Variants in DOCK5 observed in about 807,000 individuals in gnomAD.
The protein encoded by DOCK5 is dedicator of cytokinesis protein 5.
A neutral mutation model predicts 251.8 loss-of-function variants in DOCK5; 142 were observed. The ratio of observed to expected loss-of-function variants is 0.56; its 90% CI spans 0.49 to 0.65. The LOEUF (loss-of-function observed/expected upper bound fraction) is 0.65. Among genes scored for constraint, DOCK5 ranks in the 30% least tolerant of loss-of-function variants. The pLI is 0.00. For missense variants in DOCK5, 2,111 were observed against 2,312.3 expected (o/e 0.91, Z 1.79); for synonymous variants, 842 against 835.5 (o/e 1.01, Z -0.13).
intron 5 of DOCK5, among the ~76,000 whole-genome samples, chr8:25,290,250 G>A (rs1804452334): frequency 6.6e-6 from 1 of 152,026 alleles, no homozygotes; most frequent in African/African-American, 2.4e-5. Context: ...GCTTCCCTAG[G>A]CCACATTGGA....
At chr8:25,243,197 G>A (rs1803000039) in intron 1 of DOCK5, among the ~76,000 whole-genome samples, 1 of 152,184 alleles carries the variant, frequency 6.6e-6, no homozygotes, top group Non-Finnish European at 1.5e-5. Context: ...TTCGTGATGT[G>A]TAGCAGGCAA....
intron 46 of DOCK5, 110 bp from the exon 47 acceptor site, chr8:25,400,819 C>A: frequency 8.0e-7 from 1 of 1,245,622 alleles, no homozygotes; most frequent in Non-Finnish European, 1.1e-6. Flanking sequence ...CATTGGCCAG[C>A]ACTATGTCTA....
chr8:25,399,470 C>T (rs1031236626), intron 45 of DOCK5, among the ~76,000 whole-genome samples: 3 of 152,308 alleles, frequency 2.0e-5, no homozygotes, highest in African/African-American at 4.8e-5. Flanking sequence ...GCCAATGTCA[C>T]GGGACGAGCA....
intron 40 of DOCK5, 82 bp from the exon 41 acceptor site, chr8:25,389,009 G>T: frequency 7.2e-7 from 1 of 1,394,654 alleles, no homozygotes; most frequent in East Asian, 2.4e-5. Context: ...GGGGAGTGCA[G>T]TGGCTACCTC....
At chr8:25,394,653 T>C (rs553914783) in intron 44 of DOCK5, among the ~76,000 whole-genome samples, 1 of 152,300 alleles carries the variant, frequency 6.6e-6, no homozygotes, top group Admixed American at 6.5e-5. Context: ...TCGTTGATCT[T>C]CTCAAAAGTC....
At chr8:25,336,469 G>A (rs908109799) in intron 22 of DOCK5, 96 bp downstream of exon 22, 75 of 1,454,676 alleles carry the variant, frequency 5.2e-5, no homozygotes, top group South Asian at 5.0e-4. Flanking sequence ...TCTGTGAGCA[G>A]TTAGTTCTTA....
chr8:25,401,633 C>T (rs1290655258), intron 47 of DOCK5, among the ~76,000 whole-genome samples: 2 of 152,134 alleles, frequency 1.3e-5, no homozygotes, highest in African/African-American at 4.8e-5. Context: ...ATTCAGGAGG[C>T]TGTGGCAAGA....
intron 5 of DOCK5, among the ~76,000 whole-genome samples, chr8:25,290,942 A>G (rs1804470030): frequency 6.6e-6 from 1 of 152,206 alleles, no homozygotes; most frequent in Admixed American, 6.5e-5. Context: ...TGTGAGTCAG[A>G]AAAGGATAGG....
intron 17 of DOCK5, among the ~76,000 whole-genome samples, chr8:25,325,106 A>C (rs1440993175): frequency 1.3e-5 from 2 of 152,092 alleles, no homozygotes; most frequent in African/African-American, 4.8e-5. Context: ...ATTCTGAAAT[A>C]TGTGTATTTA....
intron 17 of DOCK5, 96 bp from the exon 18 acceptor site, chr8:25,325,268 C>A: frequency 7.5e-7 from 1 of 1,324,572 alleles, no homozygotes; most frequent in Non-Finnish European, 1.1e-6. Context: ...GATAAGTCCA[C>A]GCTTCTCATG....
At chr8:25,373,790 C>A in intron 36 of DOCK5, 132 bp downstream of exon 36, 1 of 807,906 alleles carries the variant, frequency 1.2e-6, no homozygotes, top group Non-Finnish European at 2.0e-6. Context: ...TGATACGCTC[C>A]ATTCACCCTG....
At chr8:25,235,356 G>C (rs939766719) in intron 1 of DOCK5, among the ~76,000 whole-genome samples, 24 of 151,958 alleles carry the variant, frequency 1.6e-4, no homozygotes, top group African/African-American at 5.8e-4. Context: ...AACCTCCTGG[G>C]CTCAAGCGAT....
chr8:25,302,262 AAG>A (rs1397743462), intron 9 of DOCK5, 61 bp from the exon 10 acceptor site: 3 of 1,515,466 alleles, frequency 2.0e-6, no homozygotes, highest in Non-Finnish European at 2.7e-6. Context: ...GTAAAGAAAA[AAG>A]AGACACAGGT....
At chr8:25,353,683 A>G (rs537261961) in intron 27 of DOCK5, among the ~76,000 whole-genome samples, 151 of 152,284 alleles carry the variant, frequency 9.9e-4, no homozygotes, top group Non-Finnish European at 1.6e-3. Context: ...TAAAATCTAT[A>G]GCTTAACTGA....
At chr8:25,324,057 T>G in intron 17 of DOCK5, 106 bp downstream of exon 17, 1 of 1,267,554 alleles carries the variant, frequency 7.9e-7, no homozygotes. Context: ...TCTAGAGCTT[T>G]CTGTACTTGC....
intron 45 of DOCK5, among the ~76,000 whole-genome samples, chr8:25,397,005 A>C (rs924980800): frequency 6.6e-6 from 1 of 152,154 alleles, no homozygotes; most frequent in Non-Finnish European, 1.5e-5. Context: ...AGATCACCTG[A>C]GGCCAAGAGA....
At chr8:25,227,570 A>G (rs1169969027) in intron 1 of DOCK5, among the ~76,000 whole-genome samples, 1 of 152,114 alleles carries the variant, frequency 6.6e-6, no homozygotes, top group Admixed American at 6.5e-5. Flanking sequence ...TTGAAAGCAA[A>G]ATCCCTTGCC....
intron 27 of DOCK5, among the ~76,000 whole-genome samples, chr8:25,354,673 A>T (rs965578710): frequency 6.6e-6 from 1 of 152,242 alleles, no homozygotes; most frequent in African/African-American, 2.4e-5. Flanking sequence ...ACAGACACAG[A>T]CAGTCGCGAA....
At chr8:25,303,707 A>G (rs1479256918) in intron 10 of DOCK5, among the ~76,000 whole-genome samples, 1 of 152,134 alleles carries the variant, frequency 6.6e-6, no homozygotes, top group African/African-American at 2.4e-5. Context: ...CATCCCTGTA[A>G]TCCCAGCACT....
Sources: allele counts gnomAD v4.1 joint callset (sites outside exome capture counted in the v4.1 genomes callset), GRCh38; gene constraint gnomAD v4.1.1; transcripts MANE v1.5; gene names NCBI Gene and HGNC (gene_info 2026-07-23, HGNC 2026-07-21).